ACACA: variants seen among roughly 807,000 people sequenced by gnomAD.
ACACA encodes acetyl-CoA carboxylase alpha.
In ACACA, 103 loss-of-function variants were observed where a neutral mutation model predicts 296.1. The ratio of observed to expected loss-of-function variants is 0.35; its 90% CI spans 0.30 to 0.41. The LOEUF (loss-of-function observed/expected upper bound fraction) is 0.41, where lower values mean the gene tolerates loss of function less well. ACACA is among the 10% of genes least tolerant of loss of function. The pLI is 1.00. For missense variants in ACACA, 1,554 were observed against 2,989.7 expected (o/e 0.52, Z 11.20); for synonymous variants, 953 against 1,038.6 (o/e 0.92, Z 1.58).
intron 2 of ACACA, among the ~76,000 whole-genome samples, chr17:37,332,229 AAAAG>A (rs991518546): frequency 2.6e-5 from 4 of 151,820 alleles, no homozygotes; most frequent in Non-Finnish European, 4.4e-5. Flanking sequence ...TTAAAAAAAA[AAAAG>A]AAAGAAAAAG....
intron 3 of ACACA, among the ~76,000 whole-genome samples, chr17:37,290,459 A>C (rs567504687): frequency 3.3e-5 from 5 of 152,224 alleles, no homozygotes; most frequent in Admixed American, 1.3e-4. Context: ...TAAGCTCTTC[A>C]CATGCACTGG....
intron 45 of ACACA, among the ~76,000 whole-genome samples, chr17:37,143,400 C>A (rs529359564): frequency 1.4e-4 from 21 of 151,840 alleles, no homozygotes; most frequent in Non-Finnish European, 2.4e-4. Context: ...ATATAACTTA[C>A]ATGTGCTGTG....
chr17:37,396,541 T>C (rs1395062924), intron 1 of ACACA, among the ~76,000 whole-genome samples: 1 of 151,734 alleles, frequency 6.6e-6, no homozygotes, highest in Admixed American at 6.6e-5. Flanking sequence ...GTTTCAGGAG[T>C]GGTACTGGCC....
rs773678503 is a variant in ACACA at position 37,121,441 on chromosome 17, G to A, written c.6188C>T (p.Thr2063Met). The A allele has an allele frequency of 3.1e-6, 5 of 1,613,990 alleles. No individual in the cohort carries two copies. The highest frequency in any genetic ancestry group is 1.1e-5 in the South Asian group (1 of 91,084). The change falls in exon 50 of 56, where the codon ACG becomes ATG. Residue 2063 changes from threonine to methionine, a missense_variant. Physicochemically the swap from Thr to Met is moderately conservative, Grantham distance 81. This residue lies in a region of ACACA where 553 missense variants were observed against 1,043.6 expected (regional missense o/e 0.53). Transcript: ENST00000616317. ...QVWFPDSAFK[T>M]YQAIKDFNRE... Reference sequence around the variant, plus strand: ...GTTGAAGTCCTTGATGGCCTGATACGTCTTAAACGCAGAATCTGGGAACCA... The same window carrying A: ...GTTGAAGTCCTTGATGGCCTGATACATCTTAAACGCAGAATCTGGGAACCA...
Position 37,221,631 on chromosome 17 carries a change from T to G in ACACA, c.3683+93A>C, listed in dbSNP as rs2079295438. 9 of 1,127,222 alleles carry G rather than the reference T, an allele frequency of 8.0e-6. No homozygotes were observed. The South Asian group carries it at 8.6e-5, about 11-fold the overall frequency. The allele number at this position is 1,127,222 out of a possible 1,614,324, so 69.8% of individuals were successfully genotyped here. On this transcript the variant is annotated intron_variant, in intron 29 of 55. Coordinates refer to ENST00000616317, the MANE Select transcript of ACACA (RefSeq NM_198834.3). ...TCATTTTTTGCCCTACATTTCTAAC[T>G]AAAAAAACATGGAATTGTCATACAC...
chr17:37,342,406 C>CAAAAAAAAAAA (rs1173872959), intron 1 of ACACA, among the ~76,000 whole-genome samples: 1 of 21,114 alleles, frequency 4.7e-5, no homozygotes, highest in African/African-American at 1.7e-4. Flanking sequence ...GACTGTCTCT[C>CAAAAAAAAAAA]AAAAAAAAAA....
intron 41 of ACACA, among the ~76,000 whole-genome samples, chr17:37,173,837 A>C (rs1258927384): frequency 2.7e-5 from 4 of 147,784 alleles, no homozygotes; most frequent in Non-Finnish European, 4.5e-5. Flanking sequence ...TTTTTCAGCC[A>C]GAGTCTCACT....
At chr17:37,405,942 G>A (rs1444113929) in intron 1 of ACACA, among the ~76,000 whole-genome samples, 1 of 142,896 alleles carries the variant, frequency 7.0e-6, no homozygotes, top group Non-Finnish European at 1.5e-5. Flanking sequence ...TAAAGTGTAA[G>A]TGAATTCTAA....
chr17:37,371,736 C>T (rs1415970164), intron 1 of ACACA, among the ~76,000 whole-genome samples: 1 of 151,476 alleles, frequency 6.6e-6, no homozygotes, highest in African/African-American at 2.4e-5. Context: ...CCCGTCTCTA[C>T]TAAAAATACA....
chr17:37,365,641 C>T (rs1008354059), intron 1 of ACACA: 1 of 985,426 alleles, frequency 1.0e-6, no homozygotes, highest in South Asian at 4.7e-5. Context: ...AATACTATGT[C>T]TCTTTGCTCT....
At chr17:37,275,905 T>G (rs768405058) in intron 8 of ACACA, 46 bp downstream of exon 8, 26 of 1,495,034 alleles carry the variant, frequency 1.7e-5, no homozygotes, top group Non-Finnish European at 2.0e-5. Flanking sequence ...AATATCCTAC[T>G]GAGCTATTCT....
At chr17:37,143,957 T>C in intron 45 of ACACA, 2 of 1,006,554 alleles carry the variant, frequency 2.0e-6, no homozygotes, top group Non-Finnish European at 3.2e-6. Context: ...TGTTCTCCTT[T>C]GATTTTTGGG....
intron 1 of ACACA, among the ~76,000 whole-genome samples, chr17:37,381,284 C>T (rs1822297548): frequency 6.6e-6 from 1 of 151,960 alleles, no homozygotes; most frequent in Non-Finnish European, 1.5e-5. Context: ...CTCCCAGGTT[C>T]ACGTGATTCT....
chr17:37,358,869 T>TAGTG, intron 1 of ACACA: 9 of 842,874 alleles, frequency 1.1e-5, no homozygotes, highest in Non-Finnish European at 1.3e-5. Flanking sequence ...CCGATCTGGA[T>TAGTG]AGTGTGGAGC....
intron 50 of ACACA, among the ~76,000 whole-genome samples, chr17:37,119,712 A>G (rs887931928): frequency 5.3e-5 from 8 of 151,636 alleles, no homozygotes; most frequent in Non-Finnish European, 2.9e-5. Flanking sequence ...GTAAGGAAAA[A>G]TTGTCGGCAA....
intron 49 of ACACA, among the ~76,000 whole-genome samples, chr17:37,122,001 C>T (rs2074548837): frequency 6.6e-6 from 1 of 152,090 alleles, no homozygotes; most frequent in Non-Finnish European, 1.5e-5. Context: ...AATAATGGCA[C>T]CAGGCACAGT....
chr17:37,303,427 G>A (rs921471041), intron 3 of ACACA, among the ~76,000 whole-genome samples: 1 of 152,070 alleles, frequency 6.6e-6, no homozygotes, highest in African/African-American at 2.4e-5. Flanking sequence ...CCATTTTGTG[G>A]CTCTTATTAA....
rs1250362613 is a variant in ACACA, at chr17:37,086,916, G to GA, written c.*399dup. On this transcript the variant is annotated 3_prime_UTR_variant, in exon 56 of 56. Transcript: ENST00000616317. ...GGCTGCGGCTCATGGGGCCAGGAGT[G>GA]AGGGGGGCTGCTCACTGCTGGGCAA... 6.5e-6 allele frequency: 2 copies of GA among 309,076 alleles called. No homozygotes were observed. The highest frequency in any genetic ancestry group is 4.3e-5 in the African/African-American group (2 of 46,628). The allele number at this position is 309,076 out of a possible 1,614,324, so 19.1% of individuals were successfully genotyped here. A position where few individuals can be genotyped will look rare whatever the true frequency, so the allele number is the denominator to read the frequency against.
In ACACA at chr17:37,380,348, C is replaced by T. The variant is rs370765094; in HGVS notation, c.38+25914G>A. 1.3e-4 allele frequency among the ~76,000 whole-genome samples: 20 copies of T among 151,100 alleles called. No individual in the cohort carries two copies. The East Asian group carries it at 3.0e-3, about 22-fold the overall frequency. Reference sequence around the variant, plus strand: ...CTAGATGACGAGTTAGTGGGTGCAGCGCACCAGCATGGCACATGTATACAT... The same window carrying T: ...CTAGATGACGAGTTAGTGGGTGCAGTGCACCAGCATGGCACATGTATACAT... On this transcript the variant is annotated intron_variant, in intron 1 of 55. Coordinates refer to ENST00000616317, the MANE Select transcript of ACACA (RefSeq NM_198834.3).
Sources: gnomAD v4.1 joint callset for allele counts (sites outside exome capture counted in the v4.1 genomes callset) on GRCh38, gnomAD v4.1.1 for gene constraint, gnomAD v4.1.1 regional missense constraint, MANE v1.5 for transcripts, NCBI Gene and HGNC (gene_info 2026-07-23, HGNC 2026-07-21) for gene names.